RBFOX1: variants seen among roughly 807,000 people sequenced by gnomAD.
RBFOX1 encodes RNA binding protein fox-1 homolog 1.
In RBFOX1, 8 loss-of-function variants were observed where a neutral mutation model predicts 57.7. The ratio of observed to expected loss-of-function variants is 0.14; its 90% CI spans 0.08 to 0.25. The LOEUF (loss-of-function observed/expected upper bound fraction) is 0.25. RBFOX1 is among the 10% of genes least tolerant of loss of function. RBFOX1 has a pLI of 1.00. For missense variants in RBFOX1, 611 were observed against 548.5 expected, an observed-to-expected ratio of 1.11 and a Z score of -1.14; for synonymous variants, 326 against 222.4, an observed-to-expected ratio of 1.47 and a Z score of -4.15.
chr16:6,287,132 A>C (rs997803174), intron 1 of RBFOX1, among the ~76,000 whole-genome samples: 3 of 152,166 alleles, frequency 2.0e-5, no homozygotes, highest in Non-Finnish European at 4.4e-5. Flanking sequence ...ATTCAGAGTC[A>C]TTTGATCATT....
intron 1 of RBFOX1, among the ~76,000 whole-genome samples, chr16:6,260,065 G>T (rs1010647802): frequency 6.6e-6 from 1 of 151,764 alleles, no homozygotes; most frequent in Non-Finnish European, 1.5e-5. Flanking sequence ...AATGGCATTT[G>T]AGTTTTCGAA....
chr16:6,797,316 C>G (rs2084300773), intron 3 of RBFOX1, among the ~76,000 whole-genome samples: 1 of 152,094 alleles, frequency 6.6e-6, no homozygotes, highest in African/African-American at 2.4e-5. Context: ...GTTACCGTTT[C>G]AGAGCAATGA....
chr16:6,943,828 C>G (rs1373306881), intron 3 of RBFOX1, among the ~76,000 whole-genome samples: 1 of 152,078 alleles, frequency 6.6e-6, no homozygotes, highest in Non-Finnish European at 1.5e-5. Flanking sequence ...TCAAATAAGG[C>G]AAACGCTGAG....
At chr16:6,882,619 AAG>A (rs2063181095) in intron 3 of RBFOX1, among the ~76,000 whole-genome samples, 1 of 152,070 alleles carries the variant, frequency 6.6e-6, no homozygotes, top group Non-Finnish European at 1.5e-5. Flanking sequence ...ATAAATAAAT[AAG>A]ATCATGTTTG....
At chr16:7,463,098 G>C (rs1235777217) in intron 4 of RBFOX1, among the ~76,000 whole-genome samples, 2 of 152,176 alleles carry the variant, frequency 1.3e-5, no homozygotes, top group East Asian at 1.9e-4. Context: ...CCAAGATCAG[G>C]GTAGAGTGAA....
chr16:7,268,872 A>G (rs980096422), intron 4 of RBFOX1, among the ~76,000 whole-genome samples: 35 of 151,794 alleles, frequency 2.3e-4, no homozygotes, highest in African/African-American at 8.2e-4. Flanking sequence ...CCCCATCTCT[A>G]CTAAAAATAC....
At chr16:6,438,966 TGTCACTGCTAGTGGCTTG>T in intron 2 of RBFOX1, among the ~76,000 whole-genome samples, 1 of 152,334 alleles carries the variant, frequency 6.6e-6, no homozygotes, top group East Asian at 1.9e-4. Flanking sequence ...CCTTTTGCAT[TGTCACTGCTAGTGGCTTG>T]AAGTTCTGCA....
intron 2 of RBFOX1, among the ~76,000 whole-genome samples, chr16:6,396,452 G>T (rs1465591345): frequency 6.6e-6 from 1 of 151,636 alleles, no homozygotes; most frequent in Admixed American, 6.6e-5. Flanking sequence ...TAGGAAGGAA[G>T]ATGCAGATTT....
intron 3 of RBFOX1, among the ~76,000 whole-genome samples, chr16:6,805,878 G>T (rs564656204): frequency 6.6e-6 from 1 of 152,068 alleles, no homozygotes; most frequent in Non-Finnish European, 1.5e-5. Flanking sequence ...TTTCCAACAC[G>T]AATCACTAGC....
intron 1 of RBFOX1, among the ~76,000 whole-genome samples, chr16:5,408,320 T>A (rs1253700433): frequency 6.6e-6 from 1 of 152,210 alleles, no homozygotes; most frequent in Non-Finnish European, 1.5e-5. Context: ...CCACTGGATT[T>A]CCCAATTTCG....
intron 1 of RBFOX1, among the ~76,000 whole-genome samples, chr16:6,245,791 T>C (rs2097565989): frequency 6.6e-6 from 1 of 152,146 alleles, no homozygotes; most frequent in South Asian, 2.1e-4. Flanking sequence ...TAAACCAAGT[T>C]GTATTTGAAG....
chr16:7,278,157 C>T (rs189813599), intron 4 of RBFOX1, among the ~76,000 whole-genome samples: 119 of 152,144 alleles, frequency 7.8e-4, no homozygotes, highest in African/African-American at 2.7e-3. Flanking sequence ...ATTCTGTGCA[C>T]GTGGTTTTAA....
intron 4 of RBFOX1, among the ~76,000 whole-genome samples, chr16:5,973,241 A>G (rs2059997342): frequency 6.6e-6 from 1 of 152,218 alleles, no homozygotes; most frequent in South Asian, 2.1e-4. Context: ...ATTGGAAAAT[A>G]TATGAACAGA....
intron 3 of RBFOX1, among the ~76,000 whole-genome samples, chr16:5,682,933 G>T (rs2050388444): frequency 6.6e-6 from 1 of 152,196 alleles, no homozygotes; most frequent in African/African-American, 2.4e-5. Context: ...AGGGTCTAGT[G>T]TGAGTCCTGG....
At chr16:5,844,616 C>T (rs1349296753) in intron 3 of RBFOX1, among the ~76,000 whole-genome samples, 5 of 152,082 alleles carry the variant, frequency 3.3e-5, no homozygotes, top group African/African-American at 1.2e-4. Context: ...GAAAAATAAG[C>T]AGTGTGTCAC....
intron 4 of RBFOX1, among the ~76,000 whole-genome samples, chr16:7,160,829 C>T (rs9930345): frequency 9.4e-5 from 13 of 138,428 alleles, no homozygotes; most frequent in African/African-American, 2.4e-4. Flanking sequence ...TCCCTCCTCC[C>T]TCCTCCTTCC....
chr16:7,018,445 T>C (rs1397306963), intron 3 of RBFOX1, among the ~76,000 whole-genome samples: 1 of 152,188 alleles, frequency 6.6e-6, no homozygotes. Context: ...TTGCTCCTGT[T>C]TTTGAAATAC....
At chr16:6,124,250 A>C (rs1386089) in intron 1 of RBFOX1, among the ~76,000 whole-genome samples, 50,197 of 152,046 alleles carry the variant, frequency 0.33, 9,524 homozygotes, top group Non-Finnish European at 0.44. Context: ...TTTGCTACCC[A>C]GCTCCCTCTA....
At chr16:7,362,808 C>T (rs927971397) in intron 4 of RBFOX1, among the ~76,000 whole-genome samples, 1 of 152,024 alleles carries the variant, frequency 6.6e-6, no homozygotes, top group Non-Finnish European at 1.5e-5. Flanking sequence ...TGTTCACTGC[C>T]AGAGAAGTGG....
Sources: gnomAD v4.1 joint callset for allele counts (sites outside exome capture counted in the v4.1 genomes callset) on GRCh38, gnomAD v4.1.1 for gene constraint, MANE v1.5 for transcripts, NCBI Gene and HGNC (gene_info 2026-07-23, HGNC 2026-07-21) for gene names.